DKK4: variants seen among roughly 807,000 people sequenced by gnomAD.
DKK4 encodes the protein dickkopf-related protein 4.
A neutral mutation model predicts 14.5 loss-of-function variants in DKK4; 15 were observed. The ratio of observed to expected loss-of-function variants is 1.03; its 90% CI spans 0.69 to 1.59. The LOEUF is 1.59. Among genes scored for constraint, DKK4 ranks in the 40% most tolerant of loss-of-function variants. The pLI, the probability that DKK4 is intolerant of heterozygous loss-of-function variation, is 0.00. For missense variants in DKK4, 272 were observed against 280.3 expected, an observed-to-expected ratio of 0.97 and a Z score of 0.21; for synonymous variants, 89 against 105.2, an observed-to-expected ratio of 0.85 and a Z score of 0.94.
At position 42,374,889 on chromosome 8, in the gene DKK4, G is replaced by A; in HGVS notation, c.287C>T (p.Ala96Val). Residue 96 changes from alanine (A) to valine (V), a missense_variant, in exon 3 of 4, where the codon GCA becomes GTA. By Grantham distance (64) the Ala-to-Val change is moderately conservative. Coordinates refer to ENST00000220812, the MANE Select transcript of DKK4 (RefSeq NM_014420.3). ...VNDVCTTMED[A>V]TPILERQLDE... ...AAGCTGCCTTTCTAATATTGGGGTT[G>A]CATCTTCCATCGTAGTACAAACATC... is the stretch of plus-strand genomic sequence containing the variant. The A allele has an allele frequency of 6.2e-7, 1 of 1,614,190 alleles. No individual in the cohort carries two copies. The highest frequency in any genetic ancestry group is 2.2e-5 in the East Asian group (1 of 44,876).
chr8:42,379,686 T>TA (rs1824636409), upstream of DKK4, among the ~76,000 whole-genome samples: 1 of 152,050 alleles, frequency 6.6e-6, no homozygotes, highest in Non-Finnish European at 1.5e-5. Context: ...GTTGGTTGCA[T>TA]AGGGGCTTCC....
chr8:42,378,695 C>G (rs1824606142), upstream of DKK4, among the ~76,000 whole-genome samples: 1 of 151,912 alleles, frequency 6.6e-6, no homozygotes, highest in South Asian at 2.1e-4. Context: ...AGGCCCCTGG[C>G]AATATACACA....
At chr8:42,385,097 C>T in the DKK4 span, among the ~76,000 whole-genome samples, 12 of 152,056 alleles carry the variant, frequency 7.9e-5, no homozygotes, top group African/African-American at 2.9e-4. Flanking sequence ...TACTTGCTGC[C>T]CTTCTGACAT....
chr8:42,385,574 C>T, the DKK4 span, among the ~76,000 whole-genome samples: 1 of 151,994 alleles, frequency 6.6e-6, no homozygotes, highest in African/African-American at 2.4e-5. Context: ...CCCCCCCATA[C>T]CGCCACTGCC....
chr8:42,383,345 C>G, the DKK4 span, among the ~76,000 whole-genome samples: 1 of 152,268 alleles, frequency 6.6e-6, no homozygotes, highest in African/African-American at 2.4e-5. Context: ...GGTCATGTCA[C>G]ACTCAGCCTC....
In DKK4 at chr8:42,375,591, T is replaced by C. The variant is rs141517472; in HGVS notation, c.262+89A>G. On this transcript the variant is annotated intron_variant, in intron 2 of 3. Transcript: ENST00000220812. ...CAAGCATGAATCTAGGAAGCACCAT[T>C]AGAGAGTGCCTACCCTGGAATATTC... 4 of 1,513,194 alleles carry C rather than the reference T, an allele frequency of 2.6e-6. No homozygotes were observed. In the African/African-American group the frequency reaches 4.1e-5, roughly 16 times the overall value. 93.7% of individuals were successfully genotyped at this position (1,513,194 alleles called of 1,614,324 possible).
the DKK4 span, among the ~76,000 whole-genome samples, chr8:42,391,072 A>T: frequency 6.6e-6 from 1 of 152,152 alleles, no homozygotes; most frequent in Non-Finnish European, 1.5e-5. Flanking sequence ...TCTACAGAAG[A>T]GCTTTTTCTC....
At chr8:42,380,281 T>C (rs371484035), upstream of DKK4, among the ~76,000 whole-genome samples, 5 of 151,630 alleles carry the variant, frequency 3.3e-5, no homozygotes, top group East Asian at 5.9e-4. Flanking sequence ...TGCATGATCC[T>C]ATCCCTGCAC....
At chr8:42,381,941 G>A (rs1824686736), upstream of DKK4, among the ~76,000 whole-genome samples, 1 of 152,040 alleles carries the variant, frequency 6.6e-6, no homozygotes, top group East Asian at 1.9e-4. Context: ...AGGTTGCAGT[G>A]AGCCAAGACT....
At chr8:42,382,169 T>A (rs1210788423), upstream of DKK4, among the ~76,000 whole-genome samples, 1 of 152,206 alleles carries the variant, frequency 6.6e-6, no homozygotes, top group African/African-American at 2.4e-5. Flanking sequence ...AGGCCTCATT[T>A]TGCAATAAGA....
At chr8:42,380,204 G>A (rs144814618), upstream of DKK4, among the ~76,000 whole-genome samples, 56 of 152,146 alleles carry the variant, frequency 3.7e-4, 1 homozygote, top group East Asian at 0.011. Flanking sequence ...GTGGTGGCAC[G>A]TGTCTGCAGT....
Position 42,374,927 on chromosome 8 carries a change from A to C in DKK4, c.263-14T>G. 6.2e-7 allele frequency: 1 copy of C among 1,614,014 alleles called. No homozygotes were observed. Among genetic ancestry groups the C allele is most frequent in the Non-Finnish European group, 8.5e-7 (1 of 1,179,922 alleles). ...TAGTACAAACATCTGAGGGACAACC[A>C]GGTGTAACTAGAATTATTAACTTCA... is the stretch of plus-strand genomic sequence containing the variant. On this transcript the variant is annotated splice_polypyrimidine_tract_variant and intron_variant, in intron 2 of 3. Coordinates refer to ENST00000220812, the MANE Select transcript of DKK4 (RefSeq NM_014420.3).
At chr8:42,375,576 T>A in intron 2 of DKK4, 104 bp downstream of exon 2, 1 of 1,340,156 alleles carries the variant, frequency 7.5e-7, no homozygotes, top group East Asian at 2.4e-5. Flanking sequence ...CAAGCATGAA[T>A]CTAGGAAGCA....
At chr8:42,376,304 A>G (rs1824563265) in intron 1 of DKK4, among the ~76,000 whole-genome samples, 1 of 152,204 alleles carries the variant, frequency 6.6e-6, no homozygotes, top group Non-Finnish European at 1.5e-5. Context: ...TGCCTCATTG[A>G]CATAGAGAAA....
At chr8:42,381,576 G>A (rs891051582), upstream of DKK4, among the ~76,000 whole-genome samples, 6 of 152,108 alleles carry the variant, frequency 3.9e-5, no homozygotes, top group African/African-American at 1.4e-4. Flanking sequence ...GGGCTTTGGG[G>A]CCGGGCCTGA....
chr8:42,379,154 G>C (rs1486894068), upstream of DKK4, among the ~76,000 whole-genome samples: 1 of 149,556 alleles, frequency 6.7e-6, no homozygotes, highest in Non-Finnish European at 1.5e-5. Flanking sequence ...GGGAGGCTGA[G>C]GCAGGAGAAT....
In DKK4 at chr8:42,374,192, C is replaced by A; in HGVS notation, c.583G>T (p.Asp195Tyr). ...AQAPEIFQRC[D>Y]CGPGLLCRSQ... Reference sequence around the variant, plus strand: ...CGACACAGTAGTCCAGGGCCACAGTCGCAACGCTGGAAGATTTCTGGAGCT... The same window carrying A: ...CGACACAGTAGTCCAGGGCCACAGTAGCAACGCTGGAAGATTTCTGGAGCT... The change falls in exon 4 of 4, where the codon GAC becomes TAC. Residue 195 changes from aspartate (D) to tyrosine (Y), a missense_variant. By Grantham distance (160) the Asp-to-Tyr change is radical (BLOSUM62 -3). Transcript: ENST00000220812. 1.9e-6 allele frequency: 3 copies of A among 1,613,612 alleles called. No homozygotes were observed. Among genetic ancestry groups the A allele is most frequent in the Non-Finnish European group, 2.5e-6 (3 of 1,179,980 alleles).
At chr8:42,379,390 G>T (rs866416252), upstream of DKK4, among the ~76,000 whole-genome samples, 4,097 of 52,394 alleles carry the variant, frequency 0.078, 61 homozygotes, top group Non-Finnish European at 0.1. Context: ...GAGAGAGAGA[G>T]AGAGAGAGAG....
chr8:42,375,591 TAGAG>T, intron 2 of DKK4, 85 bp downstream of exon 2: 4 of 1,513,194 alleles, frequency 2.6e-6, no homozygotes, highest in Non-Finnish European at 3.6e-6. Flanking sequence ...GAAGCACCAT[TAGAG>T]AGTGCCTACC....
Sources: gnomAD v4.1 joint callset for allele counts (sites outside exome capture counted in the v4.1 genomes callset) on GRCh38, gnomAD v4.1.1 for gene constraint, MANE v1.5 for transcripts, NCBI Gene and HGNC (gene_info 2026-07-23, HGNC 2026-07-21) for gene names.